Variants in RNF216 observed in about 807,000 individuals in gnomAD.
RNF216 encodes the protein E3 ubiquitin-protein ligase RNF216.
In RNF216, 72 loss-of-function variants were observed where a neutral mutation model predicts 110.8. The observed-to-expected ratio is 0.65, with a 90% CI of 0.54 to 0.79. The LOEUF (loss-of-function observed/expected upper bound fraction) is 0.79, where lower values mean the gene tolerates loss of function less well. RNF216 is among the 30% of genes least tolerant of loss of function. RNF216 has a pLI of 0.00. For synonymous variants in RNF216, 495 were observed against 407.5 expected, an observed-to-expected ratio of 1.21 and a Z score of -2.59; for missense variants, 1,342 against 1,141.2, an observed-to-expected ratio of 1.18 and a Z score of -2.54.
At chr7:5,632,866 C>T (rs543164015) in intron 15 of RNF216, among the ~76,000 whole-genome samples, 3 of 152,248 alleles carry the variant, frequency 2.0e-5, no homozygotes, top group East Asian at 1.9e-4. Flanking sequence ...AGTACCATGA[C>T]GAAGCACACG....
chr7:5,771,959 C>T (rs1796520501), intron 1 of RNF216, among the ~76,000 whole-genome samples: 1 of 151,516 alleles, frequency 6.6e-6, no homozygotes. Context: ...AGGGGCCGGG[C>T]GTGGTGGCTC....
At position 5,620,088 on chromosome 7, in the gene RNF216, CAT is replaced by C. The variant is rs1786259500; in HGVS notation, c.*2770_*2771del. 3 of 152,384 alleles carry C rather than the reference CAT, an allele frequency of 2.0e-5. No homozygotes were observed. In the South Asian group the frequency reaches 6.2e-4, roughly 32 times the overall value. The allele number at this position is 152,384 out of a possible 1,614,324, so 9.4% of individuals were successfully genotyped here. A position where few individuals can be genotyped will look rare whatever the true frequency, so the allele number is the denominator to read the frequency against. ...CATTTATTTACAAAAGTCCCAGTTACATATGATACAGGCTTTTTACACACAGT... is the reference window on the plus strand; with the variant it reads ...CATTTATTTACAAAAGTCCCAGTTACATGATACAGGCTTTTTACACACAGT... On this transcript the variant is annotated 3_prime_UTR_variant, in exon 17 of 17. Coordinates refer to ENST00000389902, the MANE Select transcript of RNF216 (RefSeq NM_207111.4).
chr7:5,701,953 A>G (rs1221510478), intron 13 of RNF216, among the ~76,000 whole-genome samples: 1 of 152,214 alleles, frequency 6.6e-6, no homozygotes, highest in African/African-American at 2.4e-5. Context: ...GGAAACACTA[A>G]CCCAGGAAGG....
intron 2 of RNF216, among the ~76,000 whole-genome samples, chr7:5,759,045 T>C (rs761758021): frequency 6.6e-6 from 1 of 152,108 alleles, no homozygotes; most frequent in Non-Finnish European, 1.5e-5. Context: ...TCATAAATGA[T>C]TTAGCACAAT....
chr7:5,623,489 G>A (rs1326945314), intron 16 of RNF216, among the ~76,000 whole-genome samples: 1 of 150,922 alleles, frequency 6.6e-6, no homozygotes, highest in African/African-American at 2.4e-5. Context: ...TTTAATAGAT[G>A]GGGTTTTGCC....
At chr7:5,731,185 T>A (rs1794067029) in intron 5 of RNF216, among the ~76,000 whole-genome samples, 1 of 152,164 alleles carries the variant, frequency 6.6e-6, no homozygotes, top group Non-Finnish European at 1.5e-5. Context: ...TATGAACAAG[T>A]AAGAAGTGGA....
Position 5,780,732 on chromosome 7 carries a change from A to C in RNF216, c.-70+809T>G, listed in dbSNP as rs533124728. On this transcript the variant is annotated intron_variant, in intron 1 of 16. Transcript: ENST00000389902. ...AGAAAAGGAGAAAAAAAAAAAAGTA[A>C]AAGAAAAAAGAACGTTCTCTTTGCA... Among the ~76,000 whole-genome samples the C allele has an allele frequency of 5.3e-5, 8 of 152,236 alleles. No individual in the cohort carries two copies. The South Asian group carries it at 1.7e-3, about 32-fold the overall frequency.
At chr7:5,640,038 C>T (rs1292422250) in intron 15 of RNF216, among the ~76,000 whole-genome samples, 3 of 151,634 alleles carry the variant, frequency 2.0e-5, no homozygotes, top group Non-Finnish European at 4.4e-5. Context: ...GGATTACAGG[C>T]GTGAGCCACC....
chr7:5,673,222 T>C (rs553583275), intron 13 of RNF216, among the ~76,000 whole-genome samples: 1 of 152,338 alleles, frequency 6.6e-6, no homozygotes, highest in South Asian at 2.1e-4. Context: ...ATTGAGATTC[T>C]TCTATGAAGC....
At chr7:5,666,966 C>T (rs765785361) in intron 13 of RNF216, among the ~76,000 whole-genome samples, 5 of 152,112 alleles carry the variant, frequency 3.3e-5, no homozygotes, top group Non-Finnish European at 5.9e-5. Flanking sequence ...AGGCACATGC[C>T]ACCATACCTG....
chr7:5,678,401 G>A (rs1465309987), intron 13 of RNF216, among the ~76,000 whole-genome samples: 2 of 152,106 alleles, frequency 1.3e-5, no homozygotes, highest in Admixed American at 6.5e-5. Flanking sequence ...ACTAACCATC[G>A]CCAAGGACTG....
intron 1 of RNF216, among the ~76,000 whole-genome samples, chr7:5,776,900 A>T (rs1399553696): frequency 1.4e-4 from 5 of 35,516 alleles, no homozygotes; most frequent in African/African-American, 3.3e-4. Flanking sequence ...GACTCTGTCC[A>T]AAAAAAAAAA....
intron 5 of RNF216, among the ~76,000 whole-genome samples, chr7:5,732,698 A>G (rs1794162594): frequency 6.6e-6 from 1 of 152,232 alleles, no homozygotes; most frequent in South Asian, 2.1e-4. Context: ...TTTTTCTTCT[A>G]CAGAAACAAG....
chr7:5,736,409 C>T (rs1163932582), intron 5 of RNF216, among the ~76,000 whole-genome samples: 6 of 152,164 alleles, frequency 3.9e-5, no homozygotes, highest in African/African-American at 7.2e-5. Context: ...GATGGAGTCT[C>T]GTTCACTCAG....
chr7:5,716,944 C>G (rs1255602400), intron 9 of RNF216, among the ~76,000 whole-genome samples, 178 bp from the exon 10 acceptor site: 1 of 152,160 alleles, frequency 6.6e-6, no homozygotes, highest in African/African-American at 2.4e-5. Flanking sequence ...CTAGAAAATA[C>G]AGGACAATAT....
At chr7:5,643,055 T>G (rs569809907) in intron 14 of RNF216, among the ~76,000 whole-genome samples, 2 of 152,002 alleles carry the variant, frequency 1.3e-5, no homozygotes, top group Non-Finnish European at 2.9e-5. Context: ...GGCACTGACA[T>G]GAAATAATAA....
At chr7:5,727,666 T>A (rs1255514114) in intron 7 of RNF216, among the ~76,000 whole-genome samples, 4 of 152,012 alleles carry the variant, frequency 2.6e-5, no homozygotes, top group Admixed American at 1.3e-4. Flanking sequence ...CAGGTCAAGG[T>A]TGCAATAAGC....
At chr7:5,764,286 T>C (rs543833721) in intron 1 of RNF216, among the ~76,000 whole-genome samples, 1 of 146,682 alleles carries the variant, frequency 6.8e-6, no homozygotes, top group East Asian at 2.0e-4. Flanking sequence ...TATTGGACAG[T>C]AGTAAAAATA....
intron 7 of RNF216, among the ~76,000 whole-genome samples, chr7:5,727,454 T>C (rs1793828664): frequency 6.6e-6 from 1 of 152,160 alleles, no homozygotes; most frequent in Admixed American, 6.5e-5. Flanking sequence ...TTTAATAACA[T>C]AGGCTGGGCA....
Sources: gnomAD v4.1 joint callset for allele counts (sites outside exome capture counted in the v4.1 genomes callset) on GRCh38, gnomAD v4.1.1 for gene constraint, MANE v1.5 for transcripts, NCBI Gene and HGNC (gene_info 2026-07-23, HGNC 2026-07-21) for gene names.